Variants in TRIM69 observed in about 807,000 individuals in gnomAD.
TRIM69 encodes the protein E3 ubiquitin-protein ligase TRIM69.
Under a neutral mutation model 37.7 loss-of-function variants are expected in TRIM69, and 29 were observed. That is an observed-to-expected ratio of 0.77 (90% CI 0.57 to 1.05). TRIM69 has a LOEUF of 1.05. TRIM69 is among the 50% of genes least tolerant of loss of function. TRIM69 has a pLI of 0.00. For missense variants in TRIM69, 596 were observed against 579.9 expected (o/e 1.03, Z -0.28); for synonymous variants, 209 against 212.4 (o/e 0.98, Z 0.14).
chr15:44,754,731 T>G, intron 1 of TRIM69, 169 bp from the exon 2 acceptor site: 2 of 640,114 alleles, frequency 3.1e-6, no homozygotes, highest in Non-Finnish European at 5.6e-6. Context: ...CATCATACGC[T>G]ATAATTTCAG....
chr15:44,753,677 AT>A (rs1437394434), intron 1 of TRIM69: 3 of 152,070 alleles, frequency 2.0e-5, no homozygotes, highest in Non-Finnish European at 4.4e-5. Context: ...TGGATGTAAA[AT>A]TTCATCATAT....
chr15:44,767,727 T>C lies in TRIM69; in HGVS notation c.1458T>C (p.Asp486=). ...LYPYFCPCLN[D]GGENKEPLHI... ...CCTACTTCTGCCCCTGCCTTAATGATGGTGGAGAGAATAAAGAACCATTGC... is the reference window on the plus strand; with the variant it reads ...CCTACTTCTGCCCCTGCCTTAATGACGGTGGAGAGAATAAAGAACCATTGC... The change falls in exon 7 of 7, where the codon GAT becomes GAC. Residue 486 remains aspartate (D), a synonymous_variant. Coordinates refer to ENST00000329464, the MANE Select transcript of TRIM69 (RefSeq NM_182985.5). The C allele has an allele frequency of 6.2e-7, 1 of 1,613,838 alleles. No homozygotes were observed. The highest frequency in any genetic ancestry group is 8.5e-7 in the Non-Finnish European group (1 of 1,180,014).
intron 6 of TRIM69, among the ~76,000 whole-genome samples, chr15:44,765,795 CAGAG>C (rs1186650992): frequency 5.2e-4 from 78 of 150,918 alleles, no homozygotes; most frequent in African/African-American, 1.7e-3. Flanking sequence ...AAAAAAAAAA[CAGAG>C]AGAGAGAAAC....
Position 44,767,460 on chromosome 15 carries a change from A to G in TRIM69, c.1191A>G (p.Glu397=). The stretch of plus-strand genomic sequence containing the variant: ...AATGGACAGTTGGAGTTGTCAGAGA[A>G]TCCATCATTCGGAAGGGCAGCTGTC... The part of the protein sequence containing the change: ...KTKWTVGVVR[E]SIIRKGSCPL... Residue 397 remains glutamate, a synonymous_variant, in exon 7 of 7, where the codon GAA becomes GAG. Transcript: ENST00000329464. 1 of 1,614,208 alleles carries G rather than the reference A, an allele frequency of 6.2e-7. No individual in the cohort carries two copies. Among genetic ancestry groups the G allele is most frequent in the Non-Finnish European group, 8.5e-7 (1 of 1,180,040 alleles).
At chr15:44,756,581 CT>C (rs2087654055) in intron 3 of TRIM69, 118 bp downstream of exon 3, 1 of 659,866 alleles carries the variant, frequency 1.5e-6, no homozygotes, top group Non-Finnish European at 2.6e-6. Flanking sequence ...GGTACCTAGG[CT>C]ATGGAATTGG....
Position 44,767,422 on chromosome 15 carries a change from G to C in TRIM69, c.1153G>C (p.Ala385Pro). The C allele has an allele frequency of 6.2e-7, 1 of 1,614,168 alleles. No homozygotes were observed. Among genetic ancestry groups the C allele is most frequent in the Non-Finnish European group, 8.5e-7 (1 of 1,180,034 alleles). The change falls in exon 7 of 7, where the codon GCA (alanine) becomes CCA (proline). Residue 385 changes from alanine to proline, a missense_variant. Transcript: ENST00000329464. The stretch of plus-strand genomic sequence containing the variant: ...AAAGTGGTACTGGGAAGTAGAAGTA[G>C]CAAAGAAGACAAAATGGACAGTTGG... The part of the protein sequence containing the change: ...SGKWYWEVEV[A>P]KKTKWTVGVV...
At chr15:44,765,517 T>A (rs2087866006) in intron 6 of TRIM69, among the ~76,000 whole-genome samples, 1 of 152,158 alleles carries the variant, frequency 6.6e-6, no homozygotes, top group Non-Finnish European at 1.5e-5. Context: ...AGACTCAGGC[T>A]TTTCTGAGAA....
chr15:44,765,083 A>G (rs1016272844), intron 6 of TRIM69, among the ~76,000 whole-genome samples: 6 of 152,242 alleles, frequency 3.9e-5, no homozygotes, highest in African/African-American at 1.2e-4. Context: ...GAGGAAACAG[A>G]AGAGTAAAAA....
At chr15:44,760,801 C>G (rs1314661126) in intron 6 of TRIM69, among the ~76,000 whole-genome samples, 1 of 152,180 alleles carries the variant, frequency 6.6e-6, no homozygotes, top group Non-Finnish European at 1.5e-5. Context: ...CTACTCTCAG[C>G]CTCTAACATT....
At chr15:44,755,519 G>A in intron 2 of TRIM69, 143 bp downstream of exon 2, 1 of 678,634 alleles carries the variant, frequency 1.5e-6, no homozygotes, top group Non-Finnish European at 2.5e-6. Context: ...AACGTATCTT[G>A]CAAAGTTCTT....
intron 1 of TRIM69, among the ~76,000 whole-genome samples, chr15:44,740,268 G>T (rs983238985): frequency 6.6e-6 from 1 of 152,114 alleles, no homozygotes. Flanking sequence ...AGATAAAACC[G>T]CAAAGATGGG....
At position 44,759,629 on chromosome 15, in the gene TRIM69, C is replaced by G. The variant is rs1309396320; in HGVS notation, c.814-11C>G. On this transcript the variant is annotated splice_polypyrimidine_tract_variant and intron_variant, in intron 4 of 6. Coordinates refer to ENST00000329464, the MANE Select transcript of TRIM69 (RefSeq NM_182985.5). Reference sequence around the variant, plus strand: ...CGGGCATCTGATGTCTCTCTTTCTCCTTTCTTCTAGGACATCACAACTCTC... The same window carrying G: ...CGGGCATCTGATGTCTCTCTTTCTCGTTTCTTCTAGGACATCACAACTCTC... 10 of 1,613,454 alleles carry G rather than the reference C, an allele frequency of 6.2e-6. No homozygotes were observed. Among genetic ancestry groups the G allele is most frequent in the Non-Finnish European group, 8.5e-6 (10 of 1,179,746 alleles).
At chr15:44,746,008 G>A (rs4386112) in intron 1 of TRIM69, among the ~76,000 whole-genome samples, 137,238 of 151,942 alleles carry the variant, frequency 0.9, 62,284 homozygotes, top group Middle Eastern at 0.96. Flanking sequence ...TTGACAAAAG[G>A]CATAAAGCTA....
Position 44,736,839 on chromosome 15 carries a change from C to G in TRIM69, c.6+129C>G. 4 of 1,020,068 alleles carry G rather than the reference C, an allele frequency of 3.9e-6. No individual in the cohort carries two copies. The South Asian group carries it at 4.7e-5, about 12-fold the overall frequency. 63.2% of individuals were successfully genotyped at this position (1,020,068 alleles called of 1,614,324 possible). ...ATGAAGGGAAGTATTTAACTTGTGA[C>G]AGCTGGTAGCTACTATACTCTCTCC... On this transcript the variant is annotated intron_variant, in intron 1 of 6. Transcript: ENST00000329464.
chr15:44,767,080 A>AAAAAAAAAAC (rs2087908795), intron 6 of TRIM69, 151 bp from the exon 7 acceptor site: 1 of 388,974 alleles, frequency 2.6e-6, no homozygotes, highest in Non-Finnish European at 4.5e-6. Context: ...AAAAAAAAAA[A>AAAAAAAAAAC]AAAAGCATAT....
At chr15:44,739,644 G>T (rs2087238023) in intron 1 of TRIM69, among the ~76,000 whole-genome samples, 1 of 152,216 alleles carries the variant, frequency 6.6e-6, no homozygotes, top group African/African-American at 2.4e-5. Context: ...AGCAGTCTGA[G>T]ATCAAACTGC....
chr15:44,740,790 A>G (rs1363534090), intron 1 of TRIM69, among the ~76,000 whole-genome samples: 5 of 151,834 alleles, frequency 3.3e-5, no homozygotes, highest in Non-Finnish European at 5.9e-5. Flanking sequence ...TATGCACCCA[A>G]TACAGGAGCA....
In TRIM69 at chr15:44,742,165, A is replaced by T. The variant is rs1453263361; in HGVS notation, c.6+5455A>T. On this transcript the variant is annotated intron_variant, in intron 1 of 6. Transcript: ENST00000329464. ...CTGGGATGCAAGGCTGGTTCAATAT[A>T]CGCAAATCAATAAATGTAATCCAGC... 2.0e-5 allele frequency among the ~76,000 whole-genome samples: 3 copies of T among 150,926 alleles called. No individual in the cohort carries two copies. The East Asian group carries it at 5.8e-4, about 29-fold the overall frequency.
At chr15:44,739,930 A>G (rs1566887018) in intron 1 of TRIM69, among the ~76,000 whole-genome samples, 2 of 150,748 alleles carry the variant, frequency 1.3e-5, no homozygotes, top group Non-Finnish European at 3.0e-5. Flanking sequence ...CTGCCTCCTC[A>G]AGTGGGTCCC....
Sources: allele counts gnomAD v4.1 joint callset (sites outside exome capture counted in the v4.1 genomes callset), GRCh38; gene constraint gnomAD v4.1.1; transcripts MANE v1.5; gene names NCBI Gene and HGNC (gene_info 2026-07-23, HGNC 2026-07-21).